PCDHGA2: variants seen among roughly 807,000 people sequenced by gnomAD.
PCDHGA2 encodes the protein protocadherin gamma-A2.
Under a neutral mutation model 59.2 loss-of-function variants are expected in PCDHGA2, and 40 were observed. That is an observed-to-expected ratio of 0.68 (90% CI 0.52 to 0.88). PCDHGA2 has a LOEUF of 0.88. PCDHGA2 is among the 40% of genes least tolerant of loss of function. PCDHGA2 has a pLI of 0.00. For missense variants in PCDHGA2, 1,226 were observed against 1,204.0 expected, an observed-to-expected ratio of 1.02 and a Z score of -0.27; for synonymous variants, 560 against 526.0, an observed-to-expected ratio of 1.06 and a Z score of -0.89.
intron 1 of PCDHGA2, among the ~76,000 whole-genome samples, chr5:141,484,179 A>G (rs2099592960): frequency 6.6e-6 from 1 of 152,222 alleles, no homozygotes; most frequent in South Asian, 2.1e-4. Context: ...GATCTCAATC[A>G]TTCAAGGAAG....
chr5:141,481,151 G>A (rs1326614212), intron 1 of PCDHGA2, among the ~76,000 whole-genome samples: 1 of 152,198 alleles, frequency 6.6e-6, no homozygotes, highest in African/African-American at 2.4e-5. Context: ...TGTTATTCTG[G>A]TATTTGCAGA....
At chr5:141,504,303 G>A (rs1157625808) in intron 2 of PCDHGA2, among the ~76,000 whole-genome samples, 4 of 151,938 alleles carry the variant, frequency 2.6e-5, no homozygotes, top group Admixed American at 2.6e-4. Context: ...TTCAACACTC[G>A]GAGTTTCTAA....
intron 1 of PCDHGA2, chr5:141,375,291 G>C: frequency 4.3e-6 from 7 of 1,613,756 alleles, no homozygotes; most frequent in Non-Finnish European, 5.9e-6. Context: ...AATTATTATC[G>C]ATTAGTGACA....
chr5:141,429,760 C>T (rs1036499079), intron 1 of PCDHGA2, among the ~76,000 whole-genome samples: 2 of 152,020 alleles, frequency 1.3e-5, no homozygotes, highest in Non-Finnish European at 2.9e-5. Context: ...AATTTTTTCC[C>T]TATATTTTGA....
At chr5:141,360,270 G>C (rs1761507525) in intron 1 of PCDHGA2, 4 of 1,613,904 alleles carry the variant, frequency 2.5e-6, no homozygotes, top group South Asian at 1.1e-5. Context: ...CCAAAAACTC[G>C]GTCGTAGGAA....
In PCDHGA2 at chr5:141,339,429, C is replaced by A; in HGVS notation, c.458C>A (p.Pro153His). The change falls in exon 1 of 4, where the codon CCT (proline) becomes CAT (histidine). Residue 153 changes from proline (P) to histidine (H), a missense_variant. By Grantham distance (77) the Pro-to-His change is moderately conservative (BLOSUM62 -2). Transcript: ENST00000394576. ...SETTTPGFRIPLKNAHDADVG... is the reference protein window; with the variant it reads ...SETTTPGFRIHLKNAHDADVG... ...ACCACTACGCCAGGATTCCGGATTC[C>A]TCTTAAGAATGCGCATGATGCAGAC... 6.2e-7 allele frequency: 1 copy of A among 1,614,214 alleles called. No homozygotes were observed. Among genetic ancestry groups the A allele is most frequent in the Non-Finnish European group, 8.5e-7 (1 of 1,180,040 alleles).
At chr5:141,401,805 G>C (rs1307812903) in intron 1 of PCDHGA2, among the ~76,000 whole-genome samples, 1 of 152,132 alleles carries the variant, frequency 6.6e-6, no homozygotes, top group Non-Finnish European at 1.5e-5. Context: ...TTCAGTAAAT[G>C]GGTTCCTTAC....
In PCDHGA2 at chr5:141,476,833, C is replaced by T. The variant is rs746365316; in HGVS notation, c.2425-17974C>T. 1.4e-5 allele frequency: 23 copies of T among 1,613,524 alleles called. No homozygotes were observed. Among genetic ancestry groups the T allele is most frequent in the Non-Finnish European group, 1.9e-5 (23 of 1,180,050 alleles). On this transcript the variant is annotated intron_variant, in intron 1 of 3. Coordinates refer to ENST00000394576, the MANE Select transcript of PCDHGA2 (RefSeq NM_018915.4). The surrounding 1 kb of genome is among the most constrained non-coding windows in gnomAD (Gnocchi z 7.6). Reference sequence around the variant, plus strand: ...ACATCAAGGTGCTGGACGCGAATGACAATGCGCCTGTCTTCAACCAGTCCT... The same window carrying T: ...ACATCAAGGTGCTGGACGCGAATGATAATGCGCCTGTCTTCAACCAGTCCT...
chr5:141,415,113 C>T, intron 1 of PCDHGA2: 1 of 1,613,642 alleles, frequency 6.2e-7, no homozygotes, highest in Middle Eastern at 1.7e-4. Context: ...AGCAAAGCCT[C>T]GTAGTGGCCG....
chr5:141,433,032 C>G, intron 1 of PCDHGA2: 1 of 1,614,188 alleles, frequency 6.2e-7, no homozygotes, highest in Non-Finnish European at 8.5e-7. Context: ...CACGAGGTTT[C>G]CCTCACCACG....
chr5:141,390,164 G>A (rs370376667), intron 1 of PCDHGA2: 200 of 1,613,888 alleles, frequency 1.2e-4, no homozygotes, highest in Non-Finnish European at 1.6e-4. Context: ...CAGGAAAGAC[G>A]GAGTTTAATT....
rs2099624499 is a variant in PCDHGA2, at chr5:141,486,100, C to A, written c.2425-8707C>A. The A allele has an allele frequency of 6.2e-7, 1 of 1,614,072 alleles. No homozygotes were observed. The highest frequency in any genetic ancestry group is 1.3e-5 in the African/African-American group (1 of 74,930). ...AGCTTACTCTTTTGGGGCCCCTAGA[C>A]TTTGAGAGTGAGAATTACTATGAAT... On this transcript the variant is annotated intron_variant, in intron 1 of 3. Coordinates refer to ENST00000394576, the MANE Select transcript of PCDHGA2 (RefSeq NM_018915.4). This position sits in a 1 kb window ranked among gnomAD's most constrained non-coding sequence, Gnocchi z 5.0.
At chr5:141,402,124 A>G (rs150020541) in intron 1 of PCDHGA2, among the ~76,000 whole-genome samples, 1 of 152,254 alleles carries the variant, frequency 6.6e-6, no homozygotes, top group East Asian at 1.9e-4. Flanking sequence ...AAAATTTCCA[A>G]CTTTAATCCT....
intron 1 of PCDHGA2, chr5:141,345,718 T>C: frequency 6.2e-7 from 1 of 1,614,158 alleles, no homozygotes; most frequent in Non-Finnish European, 8.5e-7. Flanking sequence ...GCGCCCGAGA[T>C]CCTGTACCCC....
chr5:141,503,209 C>T (rs963237902), intron 2 of PCDHGA2, among the ~76,000 whole-genome samples: 3 of 152,020 alleles, frequency 2.0e-5, no homozygotes, highest in African/African-American at 7.3e-5. Context: ...TCTCAGTGCC[C>T]ACCATGAGCA....
intron 1 of PCDHGA2, chr5:141,410,800 T>G: frequency 1.5e-6 from 1 of 678,550 alleles, no homozygotes. Context: ...TAAGTTGCTC[T>G]ATCTTTTTGT....
intron 1 of PCDHGA2, among the ~76,000 whole-genome samples, chr5:141,382,389 T>A (rs1778164859): frequency 6.6e-6 from 1 of 152,228 alleles, no homozygotes; most frequent in South Asian, 2.1e-4. Flanking sequence ...AATAACTGAT[T>A]TTCCCATGTG....
At chr5:141,473,853 C>T (rs2099329853) in intron 1 of PCDHGA2, among the ~76,000 whole-genome samples, 1 of 152,128 alleles carries the variant, frequency 6.6e-6, no homozygotes, top group Non-Finnish European at 1.5e-5. Flanking sequence ...GGAAGATGAA[C>T]CTCGCTATTG....
chr5:141,500,104 T>C (rs917633032), intron 2 of PCDHGA2, among the ~76,000 whole-genome samples: 1 of 152,124 alleles, frequency 6.6e-6, no homozygotes, highest in Non-Finnish European at 1.5e-5. Context: ...AATTTATTTG[T>C]TGAATCCCTG....
Sources: gnomAD v4.1 joint callset for allele counts (sites outside exome capture counted in the v4.1 genomes callset) on GRCh38, gnomAD v4.1.1 for gene constraint, Gnocchi (gnomAD v3.1) non-coding constraint, MANE v1.5 for transcripts, NCBI Gene and HGNC (gene_info 2026-07-23, HGNC 2026-07-21) for gene names.